The following OPCML variants were observed in gnomAD, a reference collection of about 807,000 sequenced individuals.
OPCML encodes the protein opioid-binding protein/cell adhesion molecule.
Under a neutral mutation model 37.8 loss-of-function variants are expected in OPCML, and 13 were observed. That is an observed-to-expected ratio of 0.34 (90% CI 0.22 to 0.55). The LOEUF (loss-of-function observed/expected upper bound fraction) is 0.55, where lower values mean the gene tolerates loss of function less well. Among genes scored for constraint, OPCML ranks in the 20% least tolerant of loss-of-function variants. The pLI is 0.91. For synonymous variants in OPCML, 176 were observed against 168.8 expected, an observed-to-expected ratio of 1.04 and a Z score of -0.33; for missense variants, 341 against 435.6, an observed-to-expected ratio of 0.78 and a Z score of 1.93.
chr11:133,144,127 A>T (rs1327428215), intron 1 of OPCML, among the ~76,000 whole-genome samples: 1 of 152,186 alleles, frequency 6.6e-6, no homozygotes. Context: ...TGAAGGAGGG[A>T]CAACTCCCTT....
intron 3 of OPCML, among the ~76,000 whole-genome samples, chr11:132,544,704 G>T (rs191107595): frequency 6.6e-6 from 1 of 152,200 alleles, no homozygotes; most frequent in Non-Finnish European, 1.5e-5. Flanking sequence ...ACAAAAGAAG[G>T]CCACTTTTGC....
intron 1 of OPCML, among the ~76,000 whole-genome samples, chr11:133,267,910 A>C (rs1458816252): frequency 6.6e-6 from 1 of 152,176 alleles, no homozygotes; most frequent in Admixed American, 6.5e-5. Flanking sequence ...AGCCATGTGG[A>C]ACTGTGAGTC....
intron 1 of OPCML, among the ~76,000 whole-genome samples, chr11:133,169,235 T>C (rs1426556430): frequency 6.6e-6 from 1 of 152,218 alleles, no homozygotes; most frequent in East Asian, 1.9e-4. Context: ...CCCAATATCG[T>C]ACAGCTGGAA....
intron 1 of OPCML, among the ~76,000 whole-genome samples, chr11:133,144,276 C>T (rs867058069): frequency 1.3e-5 from 2 of 152,258 alleles, no homozygotes; most frequent in Non-Finnish European, 2.9e-5. Context: ...CATGGCACTC[C>T]CTGCCACCTG....
At chr11:132,568,172 G>T (rs2096428897) in intron 3 of OPCML, among the ~76,000 whole-genome samples, 1 of 151,964 alleles carries the variant, frequency 6.6e-6, no homozygotes, top group Non-Finnish European at 1.5e-5. Context: ...AAACCTAAAA[G>T]TAACAGCATT....
intron 4 of OPCML, among the ~76,000 whole-genome samples, chr11:132,483,731 G>A (rs1237565471): frequency 6.6e-6 from 1 of 151,866 alleles, no homozygotes; most frequent in Non-Finnish European, 1.5e-5. Context: ...ATAGATCAAT[G>A]GAACAGAACA....
intron 1 of OPCML, among the ~76,000 whole-genome samples, chr11:132,959,471 A>G (rs995809784): frequency 2.0e-5 from 3 of 152,228 alleles, no homozygotes; most frequent in African/African-American, 2.4e-5. Context: ...GTCTCCAATT[A>G]TGAAAGAAGT....
chr11:133,004,527 G>A, intron 1 of OPCML: 1 of 985,342 alleles, frequency 1.0e-6, no homozygotes, highest in African/African-American at 1.7e-5. Flanking sequence ...GGTCGGCCTT[G>A]GCCATGCACC....
chr11:133,158,800 T>G lies in OPCML; in HGVS notation c.62-215790A>C. ...TCTAGGAGGTATGAAAGCCCCTCAT[T>G]AGAAAGGGGAAGGAAATCCTGAAGA... is the stretch of plus-strand genomic sequence containing the variant. On this transcript the variant is annotated intron_variant, in intron 1 of 7. Transcript: ENST00000524381. Among the ~76,000 whole-genome samples, 2 of 151,854 alleles carry G rather than the reference T, an allele frequency of 1.3e-5. 1 individual carries two copies. The highest frequency in any genetic ancestry group is 2.9e-5 in the Non-Finnish European group (2 of 67,940).
At chr11:132,477,183 T>C (rs2096159362) in intron 4 of OPCML, among the ~76,000 whole-genome samples, 1 of 152,100 alleles carries the variant, frequency 6.6e-6, no homozygotes, top group Non-Finnish European at 1.5e-5. Context: ...CCAGAGTGAG[T>C]TGCCCAAGAT....
intron 4 of OPCML, among the ~76,000 whole-genome samples, chr11:132,447,605 C>T (rs1054344689): frequency 2.0e-5 from 3 of 152,150 alleles, no homozygotes; most frequent in African/African-American, 2.4e-5. Flanking sequence ...CCACCATACC[C>T]GGTCGACAGT....
chr11:133,206,435 A>G lies in OPCML; in HGVS notation c.62-263425T>C, dbSNP rs1438892867. Among the ~76,000 whole-genome samples, 1 of 152,198 alleles carries G rather than the reference A, an allele frequency of 6.6e-6. No homozygotes were observed. The highest frequency in any genetic ancestry group is 1.9e-4 in the East Asian group (1 of 5,200). ...CTGAGCTATGAAATATAAAAACTAT[A>G]TGATCAAAGGCCCTTTCAGCTCTTG... On this transcript the variant is annotated intron_variant, in intron 1 of 7. Coordinates refer to ENST00000524381, the MANE Select transcript of OPCML (RefSeq NM_001012393.5). The surrounding 1 kb of genome is among the most constrained non-coding windows in gnomAD (Gnocchi z 4.7).
chr11:132,790,388 C>T (rs1333751449), intron 2 of OPCML, among the ~76,000 whole-genome samples: 4 of 152,192 alleles, frequency 2.6e-5, no homozygotes, highest in Admixed American at 6.5e-5. Context: ...CACAAAGATA[C>T]ATGTTTTAGG....
In OPCML at chr11:132,642,976, T is replaced by C. The variant is rs114295021; in HGVS notation, c.379+14111A>G. Among the ~76,000 whole-genome samples, 1,484 of 152,228 alleles carry C rather than the reference T, an allele frequency of 9.7e-3. 26 individuals carry two copies. Among genetic ancestry groups the C allele is most frequent in the African/African-American group, 0.034 (1,401 of 41,536 alleles). ...TGGAAAATGCAAGCCCAACCCTCAG[T>C]GGCCAGCAATGTGATTAGTTCTCAG... is the stretch of plus-strand genomic sequence containing the variant. On this transcript the variant is annotated intron_variant, in intron 3 of 7. Coordinates refer to ENST00000524381, the MANE Select transcript of OPCML (RefSeq NM_001012393.5).
intron 1 of OPCML, among the ~76,000 whole-genome samples, chr11:133,157,218 C>A (rs1379460597): frequency 6.6e-6 from 1 of 152,160 alleles, no homozygotes; most frequent in Admixed American, 6.5e-5. Flanking sequence ...GCACCACGGG[C>A]AGGCTGTCAT....
At chr11:133,431,527 G>A (rs948148919) in intron 1 of OPCML, among the ~76,000 whole-genome samples, 1 of 152,144 alleles carries the variant, frequency 6.6e-6, no homozygotes, top group South Asian at 2.1e-4. Context: ...GGGCAATAGC[G>A]TGATCTCAGC....
intron 1 of OPCML, among the ~76,000 whole-genome samples, chr11:133,519,371 A>C (rs1948354712): frequency 6.6e-6 from 1 of 152,188 alleles, no homozygotes; most frequent in Non-Finnish European, 1.5e-5. Context: ...CCAGCCATAG[A>C]CCTAAATGTG....
chr11:133,140,835 AGAAGACGACGACGAC>A (rs138235078), intron 1 of OPCML, among the ~76,000 whole-genome samples: 20 of 49,516 alleles, frequency 4.0e-4, no homozygotes, highest in South Asian at 3.4e-3. Context: ...ACGACGACGA[AGAAGACGACGACGAC>A]GACGAAGAAG....
intron 1 of OPCML, among the ~76,000 whole-genome samples, chr11:133,082,934 G>A (rs1948757644): frequency 6.6e-6 from 1 of 150,542 alleles, no homozygotes; most frequent in South Asian, 2.1e-4. Context: ...GGGCCGGGGC[G>A]GACGTCGCGC....
Sources: allele counts gnomAD v4.1 joint callset (sites outside exome capture counted in the v4.1 genomes callset), GRCh38; gene constraint gnomAD v4.1.1; non-coding constraint Gnocchi (gnomAD v3.1); transcripts MANE v1.5; gene names NCBI Gene and HGNC (gene_info 2026-07-23, HGNC 2026-07-21).